ARFGEF1: variants seen among roughly 807,000 people sequenced by gnomAD.
ARFGEF1 encodes the protein ARF guanine nucleotide exchange factor 1, also known as brefeldin A-inhibited guanine nucleotide-exchange protein 1.
Under a neutral mutation model 231.0 loss-of-function variants are expected in ARFGEF1, and 42 were observed. The ratio of observed to expected loss-of-function variants is 0.18; its 90% CI spans 0.14 to 0.24. ARFGEF1 has a LOEUF of 0.24. ARFGEF1 is among the 10% of genes least tolerant of loss of function. The pLI, the probability that ARFGEF1 is intolerant of heterozygous loss-of-function variation, is 1.00. For missense variants in ARFGEF1, 1,345 were observed against 2,192.0 expected (o/e 0.61, Z 7.72); for synonymous variants, 710 against 732.3 (o/e 0.97, Z 0.49).
chr8:67,232,816 T>C (rs1263370695), intron 23 of ARFGEF1, 39 bp downstream of exon 23: 1 of 1,466,156 alleles, frequency 6.8e-7, no homozygotes, highest in Non-Finnish European at 9.3e-7. Context: ...AGAACTGAAA[T>C]AGTAATCATC....
intron 1 of ARFGEF1, among the ~76,000 whole-genome samples, chr8:67,342,063 TTTAAG>T (rs1808656121): frequency 6.6e-6 from 1 of 152,242 alleles, no homozygotes; most frequent in Admixed American, 6.5e-5. Context: ...TCTAGCATAC[TTTAAG>T]TTATTGTGGA....
At chr8:67,313,494 T>TC (rs1422010961) in intron 1 of ARFGEF1, among the ~76,000 whole-genome samples, 1 of 152,136 alleles carries the variant, frequency 6.6e-6, no homozygotes, top group Non-Finnish European at 1.5e-5. Context: ...TGCAGTACTC[T>TC]CCCCCTTTTC....
chr8:67,216,515 G>C (rs1287705190), intron 33 of ARFGEF1, 75 bp downstream of exon 33: 1 of 1,295,548 alleles, frequency 7.7e-7, no homozygotes, highest in Non-Finnish European at 1.1e-6. Context: ...ACAATTACAT[G>C]TAAGAATTTG....
rs1404084178 is a variant in ARFGEF1 at position 67,227,225 on chromosome 8, C to G, written c.3828G>C (p.Lys1276Asn). 3 of 1,612,916 alleles carry G rather than the reference C, an allele frequency of 1.9e-6. No homozygotes were observed. The highest frequency in any genetic ancestry group is 1.3e-5 in the African/African-American group (1 of 74,948). Residue 1276 changes from lysine (K) to asparagine (N), a missense_variant, in exon 27 of 39, where the codon AAG becomes AAC. Lys to Asn is a moderately conservative substitution (Grantham distance 94). Coordinates refer to ENST00000262215, the MANE Select transcript of ARFGEF1 (RefSeq NM_006421.5). ...SQAANIRSGW[K>N]NIFSVFHLAA... Reference sequence around the variant, plus strand: ...CTAGATGAAATACAGAGAAAATGTTCTTCCATCCAGATCGAATGTTAGCAG... The same window carrying G: ...CTAGATGAAATACAGAGAAAATGTTGTTCCATCCAGATCGAATGTTAGCAG...
intron 7 of ARFGEF1, among the ~76,000 whole-genome samples, chr8:67,277,935 T>C (rs1805379839): frequency 6.6e-6 from 1 of 152,200 alleles, no homozygotes; most frequent in Non-Finnish European, 1.5e-5. Context: ...TATTGTACCA[T>C]AAGCCCCCTT....
rs988661458 is a variant in ARFGEF1, at chr8:67,198,445, AGT to A, written c.*487_*488del. 117 of 987,170 alleles carry A rather than the reference AGT, an allele frequency of 1.2e-4. No homozygotes were observed. Among genetic ancestry groups the A allele is most frequent in the Admixed American group, 3.7e-4 (6 of 16,382 alleles). 61.2% of individuals were successfully genotyped at this position (987,170 alleles called of 1,614,324 possible). A position where few individuals can be genotyped will look rare whatever the true frequency, so the allele number is the denominator to read the frequency against. ...GATTACCAGTATCTCAGATAGCCTG[AGT>A]GTGCAAAAATCTTCAGAATAAGAAT... On this transcript the variant is annotated 3_prime_UTR_variant, in exon 39 of 39. Transcript: ENST00000262215.
chr8:67,315,508 C>T (rs1163363442), intron 1 of ARFGEF1, among the ~76,000 whole-genome samples: 1 of 152,170 alleles, frequency 6.6e-6, no homozygotes, highest in East Asian at 1.9e-4. Flanking sequence ...TAAAACAAAT[C>T]TCAACAAAGT....
intron 9 of ARFGEF1, among the ~76,000 whole-genome samples, chr8:67,272,519 T>C (rs1218037402): frequency 2.6e-5 from 4 of 152,152 alleles, no homozygotes; most frequent in African/African-American, 9.7e-5. Context: ...CATCAACGTA[T>C]TGTTTCACTG....
At chr8:67,207,854 A>T (rs1328059371) in intron 34 of ARFGEF1, among the ~76,000 whole-genome samples, 3 of 152,180 alleles carry the variant, frequency 2.0e-5, no homozygotes, top group Non-Finnish European at 4.4e-5. Flanking sequence ...AACCTCGCCT[A>T]AAAGTCTTCC....
chr8:67,221,625 A>T (rs969244611), intron 29 of ARFGEF1, among the ~76,000 whole-genome samples: 71 of 152,260 alleles, frequency 4.7e-4, no homozygotes, highest in Non-Finnish European at 5.1e-4. Flanking sequence ...CAAAAAAGTT[A>T]CAGTAGGCTA....
chr8:67,231,859 T>C (rs1449014072), intron 23 of ARFGEF1, among the ~76,000 whole-genome samples: 5 of 152,062 alleles, frequency 3.3e-5, no homozygotes, highest in African/African-American at 1.2e-4. Flanking sequence ...GTAAAGCGTT[T>C]TGCAAGTGCC....
intron 15 of ARFGEF1, 44 bp downstream of exon 15, chr8:67,259,771 C>G: frequency 6.9e-7 from 1 of 1,441,604 alleles, no homozygotes; most frequent in African/African-American, 1.4e-5. Flanking sequence ...AAAAAAATCC[C>G]AAGAATTTTA....
chr8:67,191,414 A>G (rs760459581), intron 5 of ARFGEF1, among the ~76,000 whole-genome samples: 3 of 152,224 alleles, frequency 2.0e-5, no homozygotes, highest in Admixed American at 6.5e-5. Context: ...TAGCGTTATT[A>G]TATGTACAGC....
chr8:67,268,513 T>C (rs1043147967), intron 10 of ARFGEF1, among the ~76,000 whole-genome samples: 1 of 152,188 alleles, frequency 6.6e-6, no homozygotes, highest in Non-Finnish European at 1.5e-5. Flanking sequence ...AGATTGCTCA[T>C]GGTTTCAAAT....
chr8:67,204,921 T>A, intron 34 of ARFGEF1, 102 bp from the exon 35 acceptor site: 2 of 1,342,972 alleles, frequency 1.5e-6, no homozygotes, highest in Non-Finnish European at 1.0e-6. Context: ...CAATATGTAT[T>A]CACATATCAC....
chr8:67,317,961 G>C (rs1331083891), intron 1 of ARFGEF1, among the ~76,000 whole-genome samples: 31 of 151,096 alleles, frequency 2.1e-4, no homozygotes, highest in Admixed American at 1.3e-3. Flanking sequence ...AAACAGGCCA[G>C]GCGCGGTGGC....
intron 1 of ARFGEF1, among the ~76,000 whole-genome samples, chr8:67,321,184 A>G (rs1213277242): frequency 1.3e-5 from 2 of 152,110 alleles, no homozygotes; most frequent in Non-Finnish European, 2.9e-5. Flanking sequence ...TGGGGGTGCT[A>G]AAACTATTCT....
At chr8:67,185,174 A>G (rs1407703002) in intron 5 of ARFGEF1, among the ~76,000 whole-genome samples, 1 of 151,944 alleles carries the variant, frequency 6.6e-6, no homozygotes, top group African/African-American at 2.4e-5. Context: ...GCCTGGTGTG[A>G]TTCCGTTCTG....
intron 7 of ARFGEF1, among the ~76,000 whole-genome samples, chr8:67,283,851 A>AGAAAG (rs1275878455): frequency 6.6e-6 from 1 of 152,202 alleles, no homozygotes; most frequent in Non-Finnish European, 1.5e-5. Context: ...AGCTGTGGAG[A>AGAAAG]GAAAGGCACT....
Sources: gnomAD v4.1 joint callset for allele counts (sites outside exome capture counted in the v4.1 genomes callset) on GRCh38, gnomAD v4.1.1 for gene constraint, MANE v1.5 for transcripts, NCBI Gene and HGNC (gene_info 2026-07-23, HGNC 2026-07-21) for gene names.